MINAR1: variants seen among roughly 807,000 people sequenced by gnomAD.
MINAR1 encodes major intrinsically disordered Notch2-binding receptor 1.
Under a neutral mutation model 65.1 loss-of-function variants are expected in MINAR1, and 40 were observed. The observed-to-expected ratio is 0.61, with a 90% CI of 0.48 to 0.80. MINAR1 has a LOEUF of 0.80. Among genes scored for constraint, MINAR1 ranks in the 30% least tolerant of loss-of-function variants. The pLI is 0.00. For synonymous variants in MINAR1, 482 were observed against 449.1 expected, an observed-to-expected ratio of 1.07 and a Z score of -0.93; for missense variants, 1,128 against 1,148.0, an observed-to-expected ratio of 0.98 and a Z score of 0.25.
In MINAR1 at chr15:79,436,912, G is replaced by A. The variant is rs79609610; in HGVS notation, c.-51+4372G>A. ...CCAACTTCAGTGTCTTACTCAATAT[G>A]TGTCCAATTCCCTGCACCCTTTCTT... On this transcript the variant is annotated intron_variant, in intron 1 of 3. Coordinates refer to ENST00000305428, the MANE Select transcript of MINAR1 (RefSeq NM_015206.3). 6.7e-3 allele frequency among the ~76,000 whole-genome samples: 1,026 copies of A among 152,280 alleles called. 43 individuals are homozygous for A. The East Asian group carries it at 0.13, about 19-fold the overall frequency.
In MINAR1 at chr15:79,433,861, G is replaced by A. The variant is rs143121686; in HGVS notation, c.-51+1321G>A. ...ATTGACCCTCATTGAGAGCCCGGCG[G>A]CAATATTTTGGGTATTGTTGAAATA... On this transcript the variant is annotated intron_variant, in intron 1 of 3. Transcript: ENST00000305428. Among the ~76,000 whole-genome samples, 501 of 152,292 alleles carry A rather than the reference G, an allele frequency of 3.3e-3. 2 individuals carry two copies. The highest frequency in any genetic ancestry group is 0.012 in the African/African-American group (479 of 41,560).
upstream of MINAR1, among the ~76,000 whole-genome samples, chr15:79,431,517 G>A (rs946761808): frequency 3.3e-5 from 5 of 151,512 alleles, no homozygotes; most frequent in African/African-American, 7.3e-5. Context: ...GTGTGTGTGG[G>A]GGGGGAGAGA....
chr15:79,437,689 TAGTG>T (rs1450031398), intron 1 of MINAR1, among the ~76,000 whole-genome samples: 8 of 44,306 alleles, frequency 1.8e-4, no homozygotes, highest in East Asian at 7.1e-4. Context: ...GTGGCGTGGG[TAGTG>T]AGTGTGTGGG....
At position 79,463,155 on chromosome 15, in the gene MINAR1, A is replaced by G. The variant is rs1595953418; in HGVS notation, c.2387A>G (p.His796Arg). The change falls in exon 3 of 4, where the codon CAC becomes CGC. Residue 796 changes from histidine to arginine, a missense_variant. Physicochemically the swap from His to Arg is conservative, Grantham distance 29. Transcript: ENST00000305428. ...GFLVEQVFSPHPYPASLKAHM... is the reference protein window; with the variant it reads ...GFLVEQVFSPRPYPASLKAHM... Reference sequence around the variant, plus strand: ...CTGGTGGAGCAGGTGTTCAGCCCTCACCCCTACCCTGCCTCCCTCAAGGCC... The same window carrying G: ...CTGGTGGAGCAGGTGTTCAGCCCTCGCCCCTACCCTGCCTCCCTCAAGGCC... The G allele has an allele frequency of 3.1e-6, 5 of 1,613,936 alleles. No homozygotes were observed. In the South Asian group the frequency reaches 3.3e-5, roughly 11 times the overall value.
At position 79,458,369 on chromosome 15, in the gene MINAR1, G is replaced by A. The variant is rs753895773; in HGVS notation, c.2222G>A (p.Arg741His). 40 of 1,614,064 alleles carry A rather than the reference G, an allele frequency of 2.5e-5. No homozygotes were observed. Among genetic ancestry groups the A allele is most frequent in the Non-Finnish European group, 3.1e-5 (37 of 1,180,042 alleles). Residue 741 changes from arginine (R) to histidine (H), a missense_variant, in exon 2 of 4, where the codon CGT (arginine) becomes CAT (histidine). Coordinates refer to ENST00000305428, the MANE Select transcript of MINAR1 (RefSeq NM_015206.3). ...RDWRTITYTNRVGLNEEEIKD... is the reference protein window; with the variant it reads ...RDWRTITYTNHVGLNEEEIKD... Reference sequence around the variant, plus strand: ...TGGCGCACCATCACTTATACCAACCGTGTGGGCCTCAATGAGGAGGAGATA... The same window carrying A: ...TGGCGCACCATCACTTATACCAACCATGTGGGCCTCAATGAGGAGGAGATA...
intron 3 of MINAR1, chr15:79,463,892 A>G: frequency 2.6e-6 from 1 of 390,930 alleles, no homozygotes; most frequent in East Asian, 7.2e-5. Flanking sequence ...TTCCATTCAC[A>G]CTGGGTTGAT....
chr15:79,471,021 T>TATC lies in MINAR1; in HGVS notation c.*2638_*2640dup, dbSNP rs1854658415. 6.6e-6 allele frequency: 1 copy of TATC among 152,186 alleles called. No individual in the cohort carries two copies. The highest frequency in any genetic ancestry group is 1.5e-5 in the Non-Finnish European group (1 of 68,046). 9.4% of individuals were successfully genotyped at this position (152,186 alleles called of 1,614,324 possible). Reference sequence around the variant, plus strand: ...CCCTGACCCTGAGACTCACCCTATCTATCTCCCCTATTCCCTCAGTTTGCA... The same window carrying TATC: ...CCCTGACCCTGAGACTCACCCTATCTATCATCTCCCCTATTCCCTCAGTTTGCA... On this transcript the variant is annotated 3_prime_UTR_variant, in exon 4 of 4. Coordinates refer to ENST00000305428, the MANE Select transcript of MINAR1 (RefSeq NM_015206.3).
the MINAR1 span, chr15:79,424,452 G>A: frequency 1.3e-5 from 2 of 152,196 alleles, no homozygotes; most frequent in African/African-American, 4.8e-5. Flanking sequence ...CTCTCTGAAC[G>A]ACGTGGTGAA....
the MINAR1 span, chr15:79,413,737 G>A: frequency 6.6e-6 from 1 of 152,210 alleles, no homozygotes; most frequent in Admixed American, 6.5e-5. Context: ...GTGAGTCCTG[G>A]TTGGACAGTG....
intron 1 of MINAR1, among the ~76,000 whole-genome samples, chr15:79,453,042 G>A (rs745627241): frequency 3.5e-5 from 5 of 140,856 alleles, no homozygotes; most frequent in South Asian, 2.3e-4. Flanking sequence ...GATTCCAGGC[G>A]GCTATTTCTG....
Position 79,472,003 on chromosome 15 carries a change from T to C in MINAR1, c.*3619T>C, listed in dbSNP as rs180846422. 9 of 152,544 alleles carry C rather than the reference T, an allele frequency of 5.9e-5. No individual in the cohort carries two copies. The highest frequency in any genetic ancestry group is 2.2e-4 in the African/African-American group (9 of 41,566). The allele number at this position is 152,544 out of a possible 1,614,324, so 9.4% of individuals were successfully genotyped here. ...TGAGAAATGCAACAAACTTCCTTAT[T>C]TATGCCTTATGAATAAAAGAGTGTG... On this transcript the variant is annotated 3_prime_UTR_variant, in exon 4 of 4. Coordinates refer to ENST00000305428, the MANE Select transcript of MINAR1 (RefSeq NM_015206.3).
chr15:79,463,103 C>A lies in MINAR1; in HGVS notation c.2335C>A (p.Leu779Met), dbSNP rs754648469. The A allele has an allele frequency of 1.1e-5, 18 of 1,614,156 alleles. No individual in the cohort carries two copies. Among genetic ancestry groups the A allele is most frequent in the Non-Finnish European group, 1.3e-5 (15 of 1,179,988 alleles). The stretch of plus-strand genomic sequence containing the variant: ...GTACGACATTCCCCCACAGCACCGA[C>A]TGCCCAAGCAGCCCAAAGATGGCTT... ...RQYDIPPQHR[L>M]PKQPKDGFLV... Residue 779 changes from leucine (L) to methionine (M), a missense_variant, in exon 3 of 4, where the codon CTG (leucine) becomes ATG (methionine). Transcript: ENST00000305428.
At chr15:79,441,959 C>A (rs1894881731) in intron 1 of MINAR1, among the ~76,000 whole-genome samples, 1 of 150,964 alleles carries the variant, frequency 6.6e-6, no homozygotes, top group Non-Finnish European at 1.5e-5. Context: ...CCATTTGTTT[C>A]TTTGAATTGT....
chr15:79,413,778 G>A, the MINAR1 span: 1 of 152,208 alleles, frequency 6.6e-6, no homozygotes, highest in African/African-American at 2.4e-5. Context: ...GGGTAAGGAT[G>A]CCTTCATACC....
upstream of MINAR1, among the ~76,000 whole-genome samples, chr15:79,431,068 C>A (rs1480554519): frequency 6.6e-6 from 1 of 151,810 alleles, no homozygotes; most frequent in Non-Finnish European, 1.5e-5. Context: ...TCACAGGTAG[C>A]AAATGTCAGG....
At position 79,468,837 on chromosome 15, in the gene MINAR1, A is replaced by G. The variant is rs1298320008; in HGVS notation, c.*453A>G. On this transcript the variant is annotated 3_prime_UTR_variant, in exon 4 of 4. Coordinates refer to ENST00000305428, the MANE Select transcript of MINAR1 (RefSeq NM_015206.3). ...CTTCTCTTTTCCATAATGTTCTTAG[A>G]CCATTGCTGGTGAAGTAACAGGGTG... 1.1e-5 allele frequency: 2 copies of G among 184,976 alleles called. No individual in the cohort carries two copies. Among genetic ancestry groups the G allele is most frequent in the East Asian group, 1.4e-4 (1 of 7,038 alleles). 11.5% of individuals were successfully genotyped at this position (184,976 alleles called of 1,614,324 possible).
intron 3 of MINAR1, 103 bp downstream of exon 3, chr15:79,463,424 C>A (rs533758030): frequency 2.4e-5 from 31 of 1,310,126 alleles, no homozygotes; most frequent in Non-Finnish European, 3.3e-5. Context: ...CACTTCCACA[C>A]CCTTCAACTC....
intron 2 of MINAR1, among the ~76,000 whole-genome samples, chr15:79,462,711 T>G (rs1895691740): frequency 6.6e-6 from 1 of 152,190 alleles, no homozygotes; most frequent in Non-Finnish European, 1.5e-5. Flanking sequence ...ATGATCAGGT[T>G]TAAATCCTAG....
At chr15:79,412,445 A>G in the MINAR1 span, 10 of 152,350 alleles carry the variant, frequency 6.6e-5, no homozygotes, top group African/African-American at 2.4e-4. Context: ...TGCTGGAGTG[A>G]AACTAGGCAG....
Sources: allele counts gnomAD v4.1 joint callset (sites outside exome capture counted in the v4.1 genomes callset), GRCh38; gene constraint gnomAD v4.1.1; transcripts MANE v1.5; gene names NCBI Gene and HGNC (gene_info 2026-07-23, HGNC 2026-07-21).